ERC1: variants seen among roughly 807,000 people sequenced by gnomAD.
ERC1 encodes the protein ELKS/RAB6-interacting/CAST family member 1, also known as RAB6 interacting protein 2.
ERC1 carries 56 observed loss-of-function variants against 132.0 expected under a neutral mutation model. That is an observed-to-expected ratio of 0.42 (90% CI 0.34 to 0.53). The LOEUF (loss-of-function observed/expected upper bound fraction) is 0.53, where lower values mean the gene tolerates loss of function less well. ERC1 is among the 20% of genes least tolerant of loss of function. The pLI is 0.03. For synonymous variants in ERC1, 478 were observed against 476.1 expected, an observed-to-expected ratio of 1.00 and a Z score of -0.05; for missense variants, 1,202 against 1,349.9, an observed-to-expected ratio of 0.89 and a Z score of 1.72.
chr12:1,440,113 A>C (rs12310192), intron 17 of ERC1, among the ~76,000 whole-genome samples: 3 of 152,070 alleles, frequency 2.0e-5, no homozygotes, highest in Non-Finnish European at 2.9e-5. Flanking sequence ...CATCACTTCA[A>C]ACATTTATCT....
At chr12:1,305,426 G>A (rs1477698253) in intron 15 of ERC1, among the ~76,000 whole-genome samples, 1 of 152,094 alleles carries the variant, frequency 6.6e-6, no homozygotes, top group African/African-American at 2.4e-5. Context: ...ATGCAGAAAG[G>A]TTAGTTCCAT....
At chr12:1,179,378 C>G (rs1954101808) in intron 8 of ERC1, among the ~76,000 whole-genome samples, 1 of 151,816 alleles carries the variant, frequency 6.6e-6, no homozygotes, top group South Asian at 2.1e-4. Flanking sequence ...TTCCATCTCT[C>G]TATAATAAAA....
intron 17 of ERC1, among the ~76,000 whole-genome samples, chr12:1,409,897 CAG>C: frequency 6.6e-6 from 1 of 152,096 alleles, no homozygotes; most frequent in South Asian, 2.1e-4. Flanking sequence ...TAGTTAGAGA[CAG>C]GGTTTCACCG....
chr12:1,453,389 A>C (rs146118235), intron 18 of ERC1, among the ~76,000 whole-genome samples: 283 of 152,294 alleles, frequency 1.9e-3, no homozygotes, highest in African/African-American at 6.2e-3. Flanking sequence ...CTAGCCTAGG[A>C]ATAGAGGCCA....
chr12:1,393,401 G>A (rs1293610856), intron 16 of ERC1, among the ~76,000 whole-genome samples: 3 of 152,054 alleles, frequency 2.0e-5, no homozygotes, highest in African/African-American at 4.8e-5. Context: ...TGGGCGTGGT[G>A]GTGCACATCT....
chr12:1,361,645 G>C lies in ERC1; in HGVS notation c.2781-10188G>C, dbSNP rs114092175. 5.9e-3 allele frequency among the ~76,000 whole-genome samples: 904 copies of C among 152,226 alleles called. 12 individuals carry two copies. Among genetic ancestry groups the C allele is most frequent in the African/African-American group, 0.021 (872 of 41,538 alleles). On this transcript the variant is annotated intron_variant, in intron 15 of 18. Coordinates refer to ENST00000360905, the MANE Select transcript of ERC1 (RefSeq NM_178040.4). The stretch of plus-strand genomic sequence containing the variant: ...TTCGCATTCCACCGTCATGAATATG[G>C]AATGAAAATCTCTCATGAAGTTGGT...
Position 1,405,848 on chromosome 12 carries a change from T to C in ERC1, c.2926-2301T>C, listed in dbSNP as rs866687364. Among the ~76,000 whole-genome samples, 9 of 152,112 alleles carry C rather than the reference T, an allele frequency of 5.9e-5. 1 individual carries two copies. Among genetic ancestry groups the C allele is most frequent in the Admixed American group, 2.0e-4 (3 of 15,258 alleles). On this transcript the variant is annotated intron_variant, in intron 16 of 18. Coordinates refer to ENST00000360905, the MANE Select transcript of ERC1 (RefSeq NM_178040.4). ...GGGGGATCACTTAAGGCCAGGAGTT[T>C]AAGACCAGCCTGGGCAACATAGTGA...
intron 15 of ERC1, among the ~76,000 whole-genome samples, chr12:1,359,612 C>T (rs764421834): frequency 3.3e-5 from 5 of 152,140 alleles, no homozygotes; most frequent in Non-Finnish European, 7.3e-5. Flanking sequence ...ACAATAATGG[C>T]ATTAATCCAT....
intron 12 of ERC1, among the ~76,000 whole-genome samples, chr12:1,214,665 T>TACAC (rs59137347): frequency 0.031 from 3,631 of 119,022 alleles, 55 homozygotes; most frequent in East Asian, 0.053. Flanking sequence ...TGTGTATACA[T>TACAC]ACACACACAC....
intron 18 of ERC1, among the ~76,000 whole-genome samples, chr12:1,445,537 A>G (rs2093281907): frequency 6.6e-6 from 1 of 152,082 alleles, no homozygotes; most frequent in Admixed American, 6.5e-5. Flanking sequence ...GGCCAGTTGT[A>G]CGCTAGATCT....
At chr12:1,275,818 G>GC (rs1205240452) in intron 14 of ERC1, among the ~76,000 whole-genome samples, 2 of 152,162 alleles carry the variant, frequency 1.3e-5, no homozygotes, top group African/African-American at 2.4e-5. Flanking sequence ...CATGATGCCC[G>GC]CATCTGCTTC....
At chr12:997,268 A>G (rs1424036716) in intron 1 of ERC1, among the ~76,000 whole-genome samples, 1 of 152,242 alleles carries the variant, frequency 6.6e-6, no homozygotes, top group Non-Finnish European at 1.5e-5. Context: ...TACTTGACTG[A>G]TAAATAAAGG....
In ERC1 at chr12:1,141,680, C is replaced by G; in HGVS notation, c.1630C>G (p.Gln544Glu). 1 of 1,613,130 alleles carries G rather than the reference C, an allele frequency of 6.2e-7. No homozygotes were observed. The highest frequency in any genetic ancestry group is 8.5e-7 in the Non-Finnish European group (1 of 1,179,424). Residue 544 changes from glutamine (Q) to glutamate (E), a missense_variant, in exon 8 of 19, where the codon CAA becomes GAA. Transcript: ENST00000360905. ...AACCATGTTGAATAAAAAGACAAAA[C>G]AAATTCAGGATATGGCTGAAGAGAA... ...KETMLNKKTK[Q>E]IQDMAEEKGT...
intron 15 of ERC1, among the ~76,000 whole-genome samples, chr12:1,365,084 C>T (rs1055108942): frequency 6.6e-6 from 1 of 152,148 alleles, no homozygotes; most frequent in South Asian, 2.1e-4. Flanking sequence ...TTTAGATTAA[C>T]ATAGCCTTAT....
chr12:1,333,782 C>G lies in ERC1; in HGVS notation c.2781-38051C>G, dbSNP rs140584983. Among the ~76,000 whole-genome samples the G allele has an allele frequency of 2.8e-3, 427 of 152,268 alleles. 1 individual carries two copies. The highest frequency in any genetic ancestry group is 9.2e-3 in the African/African-American group (382 of 41,528). On this transcript the variant is annotated intron_variant, in intron 15 of 18. Coordinates refer to ENST00000360905, the MANE Select transcript of ERC1 (RefSeq NM_178040.4). ...TATTATGTACACAATAATGGGATTG[C>G]TGGGTCAAATGGTATTTCTGTCTTT...
rs531919320 is a variant in ERC1 at position 1,441,357 on chromosome 12, G to A, written c.3025-3205G>A. ...ATTACAGGCATGAGCCACCGTGCCC[G>A]GCTGAAATTGATTGTTTATTAAGAA... On this transcript the variant is annotated intron_variant, in intron 17 of 18. Coordinates refer to ENST00000360905, the MANE Select transcript of ERC1 (RefSeq NM_178040.4). Among the ~76,000 whole-genome samples, 93 of 152,244 alleles carry A rather than the reference G, an allele frequency of 6.1e-4. 1 individual carries two copies. The highest frequency in any genetic ancestry group is 1.6e-3 in the African/African-American group (68 of 41,542).
At chr12:1,074,865 T>C (rs1289463786) in intron 2 of ERC1, among the ~76,000 whole-genome samples, 2 of 152,138 alleles carry the variant, frequency 1.3e-5, no homozygotes, top group Non-Finnish European at 2.9e-5. Flanking sequence ...AAAATAACTT[T>C]GGTTAGTAAG....
intron 12 of ERC1, among the ~76,000 whole-genome samples, chr12:1,194,703 C>A (rs576440432): frequency 2.6e-5 from 4 of 152,224 alleles, no homozygotes; most frequent in African/African-American, 9.6e-5. Flanking sequence ...CAATTTTACT[C>A]TAGTATGAGA....
At chr12:1,256,077 T>G in intron 13 of ERC1, among the ~76,000 whole-genome samples, 1 of 152,208 alleles carries the variant, frequency 6.6e-6, no homozygotes, top group Non-Finnish European at 1.5e-5. Flanking sequence ...CCTTTGCCCA[T>G]TTTTTGATGG....
Sources: gnomAD v4.1 joint callset for allele counts (sites outside exome capture counted in the v4.1 genomes callset) on GRCh38, gnomAD v4.1.1 for gene constraint, MANE v1.5 for transcripts, NCBI Gene and HGNC (gene_info 2026-07-23, HGNC 2026-07-21) for gene names.